Variants in GRM5 observed in about 807,000 individuals in gnomAD.
The protein encoded by GRM5 is metabotropic glutamate receptor 5.
Under a neutral mutation model 83.1 loss-of-function variants are expected in GRM5, and 19 were observed. The observed-to-expected ratio is 0.23, with a 90% CI of 0.16 to 0.34. The LOEUF is 0.34. GRM5 is among the 10% of genes least tolerant of loss of function. The pLI is 1.00. For missense variants in GRM5, 1,160 were observed against 1,588.3 expected (o/e 0.73, Z 4.58); for synonymous variants, 675 against 633.6 (o/e 1.07, Z -0.98).
intron 2 of GRM5, among the ~76,000 whole-genome samples, chr11:88,910,632 T>C (rs1945480493): frequency 6.6e-6 from 1 of 152,106 alleles, no homozygotes; most frequent in African/African-American, 2.4e-5. Flanking sequence ...CAAACATATA[T>C]GTTTAGACTA....
chr11:88,702,573 C>T (rs1208049709), intron 3 of GRM5, among the ~76,000 whole-genome samples: 1 of 152,014 alleles, frequency 6.6e-6, no homozygotes, highest in Non-Finnish European at 1.5e-5. Context: ...ATTTTAGGGC[C>T]ATTTCATATG....
At position 88,508,811 on chromosome 11, in the gene GRM5, G is replaced by A; in HGVS notation, c.3420C>T (p.Ala1140=). 6.6e-7 allele frequency: 1 copy of A among 1,524,638 alleles called. No homozygotes were observed. The highest frequency in any genetic ancestry group is 1.2e-5 in the South Asian group (1 of 81,438). 94.4% of individuals were successfully genotyped at this position (1,524,638 alleles called of 1,614,324 possible). ...AAGAQAAGDA[A]RESPAAGPEA... is the part of the protein sequence containing the mutation. ...CGGGACCGGCCGCGGGGCTCTCCCG[G>A]GCCGCGTCCCCAGCCGCCTGCGCCC... The change falls in exon 10 of 10, where the codon GCC becomes GCT. Residue 1140 remains alanine (A), a synonymous_variant. Transcript: ENST00000305447. The surrounding 1 kb of genome is among the most constrained non-coding windows in gnomAD (Gnocchi z 4.2).
At chr11:88,606,629 T>C (rs1565358281) in intron 4 of GRM5, among the ~76,000 whole-genome samples, 1 of 152,202 alleles carries the variant, frequency 6.6e-6, no homozygotes, top group East Asian at 1.9e-4. Context: ...ATTTCTGTTT[T>C]AGAAAAGACC....
At chr11:88,778,929 G>C (rs1265708212) in intron 3 of GRM5, among the ~76,000 whole-genome samples, 1 of 152,102 alleles carries the variant, frequency 6.6e-6, no homozygotes, top group Non-Finnish European at 1.5e-5. Context: ...GGAAGATCTT[G>C]GCCTACTGCC....
intron 7 of GRM5, among the ~76,000 whole-genome samples, chr11:88,577,314 C>A (rs559319237): frequency 6.6e-5 from 10 of 152,176 alleles, no homozygotes; most frequent in Admixed American, 2.0e-4. Context: ...TTCAAATGCT[C>A]ATGTTTATTA....
At chr11:88,518,166 T>A (rs984915046) in intron 9 of GRM5, among the ~76,000 whole-genome samples, 1 of 151,952 alleles carries the variant, frequency 6.6e-6, no homozygotes, top group Non-Finnish European at 1.5e-5. Flanking sequence ...ATAGAATATG[T>A]TCAATTTAAT....
At chr11:88,910,667 T>C (rs1945481249) in intron 2 of GRM5, among the ~76,000 whole-genome samples, 1 of 152,056 alleles carries the variant, frequency 6.6e-6, no homozygotes, top group South Asian at 2.1e-4. Flanking sequence ...TGTCAAATGG[T>C]TAGACAAAGA....
chr11:88,545,039 T>G (rs546696154), intron 8 of GRM5, among the ~76,000 whole-genome samples: 2 of 152,332 alleles, frequency 1.3e-5, no homozygotes, highest in Admixed American at 6.5e-5. Context: ...TGCTTTTTGC[T>G]AAACCCTCAA....
chr11:88,835,788 A>G (rs1179375022), intron 3 of GRM5, among the ~76,000 whole-genome samples: 1 of 152,236 alleles, frequency 6.6e-6, no homozygotes, highest in African/African-American at 2.4e-5. Flanking sequence ...TTCTTATTAA[A>G]CTTAGCACAT....
rs538932885 is a variant in GRM5 at position 88,852,879 on chromosome 11, T to G, written c.662-2724A>C. Among the ~76,000 whole-genome samples, 39 of 152,194 alleles carry G rather than the reference T, an allele frequency of 2.6e-4. 1 individual carries two copies. The South Asian group carries it at 8.1e-3, about 32-fold the overall frequency. Reference sequence around the variant, plus strand: ...ATAGAAACACTGTATTCTATAATTATACATTTTAAAATAATGAAAAAATGC... The same window carrying G: ...ATAGAAACACTGTATTCTATAATTAGACATTTTAAAATAATGAAAAAATGC... On this transcript the variant is annotated intron_variant, in intron 2 of 9. Coordinates refer to ENST00000305447, the MANE Select transcript of GRM5 (RefSeq NM_001143831.3).
intron 2 of GRM5, among the ~76,000 whole-genome samples, chr11:88,955,073 C>A (rs1401768697): frequency 2.0e-5 from 3 of 151,934 alleles, no homozygotes; most frequent in Admixed American, 6.6e-5. Context: ...GTTTTTTTTC[C>A]CCCATTGGCA....
chr11:88,840,044 G>A (rs1944168763), intron 3 of GRM5, among the ~76,000 whole-genome samples: 1 of 152,174 alleles, frequency 6.6e-6, no homozygotes, highest in East Asian at 1.9e-4. Flanking sequence ...TGGTCTTGCT[G>A]TTTCAGGGGT....
intron 2 of GRM5, among the ~76,000 whole-genome samples, chr11:89,023,467 T>C (rs543448174): frequency 6.6e-6 from 1 of 152,146 alleles, no homozygotes; most frequent in South Asian, 2.1e-4. Flanking sequence ...ATCACAAATC[T>C]AGTCCCAGAC....
At chr11:89,010,431 T>A (rs1940662827) in intron 2 of GRM5, among the ~76,000 whole-genome samples, 1 of 152,150 alleles carries the variant, frequency 6.6e-6, no homozygotes, top group South Asian at 2.1e-4. Flanking sequence ...ACCCTATGAG[T>A]ATAAGCTATT....
intron 2 of GRM5, among the ~76,000 whole-genome samples, chr11:88,937,341 G>GTAT (rs1483218511): frequency 6.6e-6 from 1 of 151,604 alleles, no homozygotes; most frequent in Non-Finnish European, 1.5e-5. Context: ...TTGAGAAGTA[G>GTAT]ATAAAGTAAT....
At chr11:88,779,372 T>C (rs1226585169) in intron 3 of GRM5, among the ~76,000 whole-genome samples, 1 of 152,166 alleles carries the variant, frequency 6.6e-6, no homozygotes, top group African/African-American at 2.4e-5. Context: ...GAATCTCTCA[T>C]ATTTTTTTCC....
intron 3 of GRM5, among the ~76,000 whole-genome samples, chr11:88,787,662 G>A (rs573190247): frequency 4.0e-4 from 61 of 152,176 alleles, no homozygotes; most frequent in African/African-American, 1.4e-3. Context: ...TAATGATGGT[G>A]ATGCATGGAT....
intron 3 of GRM5, among the ~76,000 whole-genome samples, chr11:88,659,701 C>A (rs570861665): frequency 1.1e-4 from 16 of 152,210 alleles, no homozygotes; most frequent in African/African-American, 3.9e-4. Context: ...ATATCACAAT[C>A]TATTTTTGCT....
chr11:88,774,200 T>C (rs1942799511), intron 3 of GRM5, among the ~76,000 whole-genome samples: 5 of 152,228 alleles, frequency 3.3e-5, no homozygotes, highest in Middle Eastern at 3.4e-3. Flanking sequence ...AGGCATTTTA[T>C]TCCCTTTGTA....
Sources: allele counts gnomAD v4.1 joint callset (sites outside exome capture counted in the v4.1 genomes callset), GRCh38; gene constraint gnomAD v4.1.1; non-coding constraint Gnocchi (gnomAD v3.1); transcripts MANE v1.5; gene names NCBI Gene and HGNC (gene_info 2026-07-23, HGNC 2026-07-21).